ENKUR: variants seen among roughly 807,000 people sequenced by gnomAD.
ENKUR encodes the protein enkurin.
Under a neutral mutation model 27.6 loss-of-function variants are expected in ENKUR, and 19 were observed. The ratio of observed to expected loss-of-function variants is 0.69; its 90% CI spans 0.48 to 1.01. The LOEUF (loss-of-function observed/expected upper bound fraction) is 1.01. Ranked by LOEUF, ENKUR falls within the 50% of genes least tolerant of loss-of-function variation. ENKUR has a pLI of 0.00. For synonymous variants in ENKUR, 117 were observed against 96.9 expected (o/e 1.21, Z -1.22); for missense variants, 312 against 310.5 (o/e 1.00, Z -0.04).
At chr10:24,988,679 T>C (rs1387722460) in intron 4 of ENKUR, among the ~76,000 whole-genome samples, 1 of 2,614 alleles carries the variant, frequency 3.8e-4, no homozygotes. Flanking sequence ...TATATATATA[T>C]ATATATATAT....
At chr10:25,014,476 T>G (rs1446765346) in intron 1 of ENKUR, among the ~76,000 whole-genome samples, 2 of 152,080 alleles carry the variant, frequency 1.3e-5, no homozygotes, top group Admixed American at 1.3e-4. Flanking sequence ...GGGGCTCCAT[T>G]AATGCTTGCC....
At chr10:25,056,657 A>G (rs1050531347) in intron 2 of ENKUR, among the ~76,000 whole-genome samples, 2 of 152,236 alleles carry the variant, frequency 1.3e-5, no homozygotes, top group Non-Finnish European at 2.9e-5. Flanking sequence ...TGGAAGGGCT[A>G]GACTTCTAAT....
At chr10:25,035,325 C>A (rs747609071) in intron 2 of ENKUR, among the ~76,000 whole-genome samples, 1 of 152,096 alleles carries the variant, frequency 6.6e-6, no homozygotes, top group Admixed American at 6.6e-5. Flanking sequence ...GAGACTGAGG[C>A]GAGTGGATCA....
At chr10:25,020,274 CTA>C (rs370068893), upstream of ENKUR, among the ~76,000 whole-genome samples, 167 of 97,452 alleles carry the variant, frequency 1.7e-3, no homozygotes, top group Middle Eastern at 0.011. Context: ...ATATCTATAT[CTA>C]TATATATCTA....
chr10:24,987,094 G>C (rs1180734625), intron 4 of ENKUR, among the ~76,000 whole-genome samples: 3 of 152,170 alleles, frequency 2.0e-5, no homozygotes, highest in Non-Finnish European at 4.4e-5. Flanking sequence ...GCCCTGGAGG[G>C]TGGAGAGTGA....
chr10:25,033,931 A>G (rs1850970292), intron 2 of ENKUR, among the ~76,000 whole-genome samples: 1 of 152,002 alleles, frequency 6.6e-6, no homozygotes, highest in South Asian at 2.1e-4. Context: ...CTCTCTATAT[A>G]TATGTATTAA....
intron 2 of ENKUR, among the ~76,000 whole-genome samples, chr10:25,054,085 A>G (rs1364926157): frequency 1.3e-5 from 2 of 152,202 alleles, no homozygotes; most frequent in South Asian, 2.1e-4. Flanking sequence ...AACGTAATGC[A>G]TGCTCATTGT....
intron 2 of ENKUR, among the ~76,000 whole-genome samples, chr10:24,996,797 T>C (rs950160003): frequency 1.3e-5 from 2 of 152,234 alleles, no homozygotes; most frequent in African/African-American, 4.8e-5. Context: ...ATTAGCCTCT[T>C]GTTAGGGGCT....
intron 2 of ENKUR, among the ~76,000 whole-genome samples, chr10:25,054,212 G>A (rs1851219543): frequency 6.6e-6 from 1 of 152,212 alleles, no homozygotes; most frequent in Non-Finnish European, 1.5e-5. Flanking sequence ...CTTGAGGTCA[G>A]GAGTTTGAGA....
intron 2 of ENKUR, among the ~76,000 whole-genome samples, chr10:25,052,771 T>G (rs1588685838): frequency 1.4e-5 from 1 of 70,850 alleles, no homozygotes; most frequent in Non-Finnish European, 2.9e-5. Context: ...AGACTCTCTC[T>G]TTTTTTTCTT....
chr10:25,052,943 A>G (rs1851203451), intron 2 of ENKUR, among the ~76,000 whole-genome samples: 1 of 151,708 alleles, frequency 6.6e-6, no homozygotes, highest in South Asian at 2.1e-4. Context: ...CTAATTTTGT[A>G]TTTTTACTAG....
chr10:25,047,318 G>A (rs1851131750), intron 2 of ENKUR, among the ~76,000 whole-genome samples: 1 of 152,148 alleles, frequency 6.6e-6, no homozygotes, highest in African/African-American at 2.4e-5. Flanking sequence ...AGGTCACTCA[G>A]TATTTGATTA....
At chr10:25,035,045 G>T (rs892675490) in intron 2 of ENKUR, among the ~76,000 whole-genome samples, 2 of 152,054 alleles carry the variant, frequency 1.3e-5, no homozygotes, top group Non-Finnish European at 2.9e-5. Flanking sequence ...GAAATATAAA[G>T]GTCATTCTTG....
intron 2 of ENKUR, chr10:25,021,816 T>TTTTG (rs1850724812): frequency 6.6e-6 from 1 of 152,154 alleles, no homozygotes; most frequent in Non-Finnish European, 1.5e-5. Context: ...GTGTCCTATG[T>TTTTG]TTACAAGTCA....
At chr10:24,991,328 A>G (rs1166817261) in intron 3 of ENKUR, among the ~76,000 whole-genome samples, 8 of 152,016 alleles carry the variant, frequency 5.3e-5, no homozygotes, top group Non-Finnish European at 1.5e-5. Context: ...AATATTTTGA[A>G]GTCTCTTTTT....
intron 2 of ENKUR, among the ~76,000 whole-genome samples, chr10:24,997,866 A>G (rs1031712040): frequency 1.3e-5 from 2 of 151,226 alleles, no homozygotes; most frequent in Non-Finnish European, 2.9e-5. Context: ...GAGAGGCTAT[A>G]TGAGGACCCA....
At chr10:25,024,689 A>G (rs1368640679) in intron 2 of ENKUR, 1 of 1,614,080 alleles carries the variant, frequency 6.2e-7, no homozygotes, top group South Asian at 1.1e-5. Context: ...GCATATCTTG[A>G]TCTTGTTAGT....
intron 1 of ENKUR, among the ~76,000 whole-genome samples, chr10:25,061,721 A>G (rs1434223191): frequency 6.6e-6 from 1 of 152,118 alleles, no homozygotes; most frequent in Non-Finnish European, 1.5e-5. Flanking sequence ...ACATCCCAGT[A>G]GTGGGTGACT....
intron 2 of ENKUR, among the ~76,000 whole-genome samples, chr10:25,033,919 C>A (rs1338345094): frequency 2.0e-5 from 3 of 151,910 alleles, no homozygotes; most frequent in Admixed American, 6.6e-5. Context: ...ACATCTATCT[C>A]TCTCTCTATA....
Sources: allele counts gnomAD v4.1 joint callset (sites outside exome capture counted in the v4.1 genomes callset), GRCh38; gene constraint gnomAD v4.1.1; transcripts MANE v1.5; gene names NCBI Gene and HGNC (gene_info 2026-07-23, HGNC 2026-07-21).